Variants in RP1 observed in about 807,000 individuals in gnomAD.
RP1 encodes oxygen-regulated protein 1.
Under a neutral mutation model 14.8 loss-of-function variants are expected in RP1, and 16 were observed. That is an observed-to-expected ratio of 1.08 (90% CI 0.73 to 1.65). The LOEUF is 1.65. Ranked by LOEUF, RP1 falls within the 40% of genes most tolerant of loss-of-function variation. The pLI, the probability that RP1 is intolerant of heterozygous loss-of-function variation, is 0.00. For missense variants in RP1, 2,631 were observed against 2,535.0 expected (o/e 1.04, Z -0.81); for synonymous variants, 876 against 883.6 (o/e 0.99, Z 0.15).
chr8:54,783,763 C>A, intron 24 of RP1: 3 of 1,113,874 alleles, frequency 2.7e-6, no homozygotes, highest in Non-Finnish European at 3.4e-6. Context: ...TGATATACAT[C>A]CCCGAAGATG....
intron 19 of RP1, among the ~76,000 whole-genome samples, chr8:54,744,353 A>T (rs537616542): frequency 2.6e-5 from 4 of 152,312 alleles, no homozygotes; most frequent in African/African-American, 4.8e-5. Context: ...AGCCTAGGTG[A>T]TGCCTCTGAG....
intron 1 of RP1, among the ~76,000 whole-genome samples, chr8:54,585,705 C>G (rs571361394): frequency 2.5e-4 from 38 of 152,198 alleles, no homozygotes; most frequent in African/African-American, 8.9e-4. Context: ...TCTTTTTATT[C>G]TTTTTTCTCT....
chr8:54,774,456 G>T (rs1032601050), downstream of RP1, among the ~76,000 whole-genome samples: 1 of 152,290 alleles, frequency 6.6e-6, no homozygotes, highest in Middle Eastern at 3.4e-3. Flanking sequence ...AGAATCAAAA[G>T]GAGAGAAGGT....
At chr8:54,778,043 A>G (rs1323859116) in intron 23 of RP1, among the ~76,000 whole-genome samples, 2 of 152,214 alleles carry the variant, frequency 1.3e-5, no homozygotes, top group African/African-American at 4.8e-5. Context: ...GCTTTTCAAA[A>G]TACATTTTAA....
intron 24 of RP1, among the ~76,000 whole-genome samples, chr8:54,821,113 A>G (rs552646977): frequency 6.6e-6 from 1 of 152,360 alleles, no homozygotes. Context: ...AATGATAAAA[A>G]GAGATAGAAA....
chr8:54,804,001 G>A (rs1479372715), intron 24 of RP1, among the ~76,000 whole-genome samples: 1 of 152,070 alleles, frequency 6.6e-6, no homozygotes, highest in Non-Finnish European at 1.5e-5. Flanking sequence ...CCAGGAGGCG[G>A]AGGTTACAGT....
chr8:54,707,497 C>T (rs1808179032), intron 15 of RP1, among the ~76,000 whole-genome samples: 2 of 152,180 alleles, frequency 1.3e-5, no homozygotes, highest in African/African-American at 4.8e-5. Context: ...TATATATATT[C>T]ATAATTCTTC....
At chr8:54,633,973 CT>C (rs1806301408), downstream of RP1, among the ~76,000 whole-genome samples, 1 of 151,960 alleles carries the variant, frequency 6.6e-6, no homozygotes, top group Admixed American at 6.6e-5. Flanking sequence ...AGCACTTTTA[CT>C]TTAATATCTG....
intron 19 of RP1, among the ~76,000 whole-genome samples, chr8:54,745,790 CA>C (rs1278952099): frequency 1.3e-5 from 2 of 151,868 alleles, no homozygotes; most frequent in Non-Finnish European, 2.9e-5. Context: ...TCATCTACCC[CA>C]ACATAAAGTT....
intron 19 of RP1, among the ~76,000 whole-genome samples, chr8:54,742,073 T>A (rs995534466): frequency 6.6e-6 from 1 of 152,062 alleles, no homozygotes; most frequent in Admixed American, 6.5e-5. Context: ...GAGACTGAGA[T>A]CTTAAGCACT....
At chr8:54,786,152 A>G (rs954510817) in intron 24 of RP1, among the ~76,000 whole-genome samples, 2 of 152,122 alleles carry the variant, frequency 1.3e-5, no homozygotes, top group African/African-American at 4.8e-5. Flanking sequence ...CGGACTGAAG[A>G]GTTCCCTTTG....
At chr8:54,653,369 G>A (rs1184092457) in intron 5 of RP1, among the ~76,000 whole-genome samples, 3 of 152,164 alleles carry the variant, frequency 2.0e-5, no homozygotes, top group East Asian at 3.9e-4. Flanking sequence ...ATGATTGTCA[G>A]TAAATGCAGA....
intron 25 of RP1, among the ~76,000 whole-genome samples, chr8:54,843,042 C>T (rs1002807243): frequency 8.5e-5 from 13 of 152,094 alleles, no homozygotes; most frequent in African/African-American, 1.7e-4. Context: ...TTTCTCTCTA[C>T]GGCTCAGACG....
intron 23 of RP1, among the ~76,000 whole-genome samples, chr8:54,782,382 A>G (rs1810209567): frequency 6.6e-6 from 1 of 152,216 alleles, no homozygotes; most frequent in Non-Finnish European, 1.5e-5. Flanking sequence ...TTATGTATAT[A>G]CAGACAGTGG....
chr8:54,806,246 T>C (rs1368729226), intron 24 of RP1, among the ~76,000 whole-genome samples: 1 of 152,140 alleles, frequency 6.6e-6, no homozygotes, highest in Non-Finnish European at 1.5e-5. Flanking sequence ...CTCGAACTCC[T>C]GACCTCGTGA....
chr8:54,757,538 A>G (rs1354213139), intron 21 of RP1, among the ~76,000 whole-genome samples: 2 of 152,226 alleles, frequency 1.3e-5, no homozygotes, highest in Non-Finnish European at 1.5e-5. Context: ...ATACAGGGAT[A>G]TTAGTGAGCT....
At chr8:54,863,044 G>GATATATATATATATAT (rs61233765) in intron 27 of RP1, among the ~76,000 whole-genome samples, 7 of 101,848 alleles carry the variant, frequency 6.9e-5, no homozygotes, top group East Asian at 3.4e-4. Context: ...ATTCCAAATG[G>GATATATATATATATAT]ATATATATAT....
chr8:54,742,616 T>C (rs1809125352), intron 19 of RP1, among the ~76,000 whole-genome samples: 1 of 152,228 alleles, frequency 6.6e-6, no homozygotes, highest in South Asian at 2.1e-4. Context: ...TAAAGTTTTC[T>C]ATTTAGAAGC....
intron 1 of RP1, among the ~76,000 whole-genome samples, chr8:54,577,485 T>C (rs1804687505): frequency 6.6e-6 from 1 of 152,238 alleles, no homozygotes; most frequent in African/African-American, 2.4e-5. Context: ...CTATGTGGTT[T>C]TTCATGTTTA....
Sources: gnomAD v4.1 joint callset for allele counts (sites outside exome capture counted in the v4.1 genomes callset) on GRCh38, gnomAD v4.1.1 for gene constraint, MANE v1.5 for transcripts, NCBI Gene and HGNC (gene_info 2026-07-23, HGNC 2026-07-21) for gene names.